The following HM13 variants were observed in gnomAD, a reference collection of about 807,000 sequenced individuals.
The protein encoded by HM13 is signal peptide peptidase.
HM13 carries 18 observed loss-of-function variants against 50.0 expected under a neutral mutation model. That is an observed-to-expected ratio of 0.36 (90% CI 0.25 to 0.53). The LOEUF (loss-of-function observed/expected upper bound fraction) is 0.53. HM13 is among the 20% of genes least tolerant of loss of function. The probability of loss-of-function intolerance (pLI) is 0.90; values close to 1 mark genes in which losing one functional copy is unlikely to be tolerated. For synonymous variants in HM13, 197 were observed against 232.6 expected (o/e 0.85, Z 1.39); for missense variants, 393 against 552.4 (o/e 0.71, Z 2.89).
intron 6 of HM13, 79 bp from the exon 7 acceptor site, chr20:31,549,985 T>C: frequency 2.8e-6 from 3 of 1,067,366 alleles, no homozygotes; most frequent in South Asian, 2.5e-5. Flanking sequence ...CAGCAGCACA[T>C]CTAGAAGCCC....
chr20:31,562,514 G>A (rs1352013470), intron 10 of HM13: 4 of 152,264 alleles, frequency 2.6e-5, no homozygotes, highest in Non-Finnish European at 5.9e-5. Flanking sequence ...TCAAGCCCTG[G>A]CCATGGGAAA....
intron 10 of HM13, among the ~76,000 whole-genome samples, chr20:31,564,380 C>A (rs983706547): frequency 3.9e-5 from 6 of 152,012 alleles, no homozygotes; most frequent in Non-Finnish European, 8.8e-5. Flanking sequence ...AGTTCAAGAC[C>A]AGCCTGGGGA....
At chr20:31,556,265 C>G (rs527500323) in intron 8 of HM13, among the ~76,000 whole-genome samples, 1 of 152,000 alleles carries the variant, frequency 6.6e-6, no homozygotes, top group Non-Finnish European at 1.5e-5. Context: ...CTCAAACTCC[C>G]GACCTCAGGT....
intron 9 of HM13, 104 bp downstream of exon 9, chr20:31,559,751 C>A (rs6058103): frequency 0.18 from 184,677 of 1,027,370 alleles, 27,276 homozygotes; most frequent in African/African-American, 0.69. Context: ...CCTCCACCCC[C>A]ACAGCAGCCA....
chr20:31,523,043 T>TGGGGG (rs112544862), intron 1 of HM13, among the ~76,000 whole-genome samples: 5 of 135,072 alleles, frequency 3.7e-5, no homozygotes, highest in South Asian at 2.1e-4. Context: ...GGGTTTTTTT[T>TGGGGG]GGGAGGGGGG....
intron 1 of HM13, among the ~76,000 whole-genome samples, chr20:31,519,405 C>T (rs568800157): frequency 6.6e-6 from 1 of 152,306 alleles, no homozygotes; most frequent in South Asian, 2.1e-4. Context: ...CTGGCCAGTA[C>T]ACTCTTCCTT....
intron 2 of HM13, among the ~76,000 whole-genome samples, chr20:31,537,360 G>T (rs941396266): frequency 3.9e-5 from 6 of 152,266 alleles, no homozygotes; most frequent in African/African-American, 1.4e-4. Context: ...GTTAGCTGCG[G>T]AGAGGCTTCC....
intron 7 of HM13, among the ~76,000 whole-genome samples, chr20:31,551,007 T>C (rs903167091): frequency 1.3e-5 from 2 of 152,186 alleles, no homozygotes; most frequent in Non-Finnish European, 2.9e-5. Context: ...AATATATATG[T>C]GTGTGTACAT....
At chr20:31,559,753 C>T in intron 9 of HM13, 106 bp downstream of exon 9, 2 of 1,002,650 alleles carry the variant, frequency 2.0e-6, no homozygotes, top group South Asian at 1.3e-5. Flanking sequence ...TCCACCCCCA[C>T]AGCAGCCAGA....
chr20:31,532,130 A>T (rs1038376154), intron 2 of HM13, among the ~76,000 whole-genome samples: 2 of 151,680 alleles, frequency 1.3e-5, no homozygotes, highest in African/African-American at 4.8e-5. Flanking sequence ...GACCTCAGGT[A>T]AAGAGCTGAA....
At chr20:31,532,160 C>G (rs1407858980) in intron 2 of HM13, among the ~76,000 whole-genome samples, 1 of 151,684 alleles carries the variant, frequency 6.6e-6, no homozygotes, top group Non-Finnish European at 1.5e-5. Context: ...GGCGCGGTGG[C>G]TCAAGCCTGT....
At chr20:31,522,007 G>C in intron 1 of HM13, among the ~76,000 whole-genome samples, 1 of 151,706 alleles carries the variant, frequency 6.6e-6, no homozygotes, top group Admixed American at 6.6e-5. Flanking sequence ...TTGCAGCATG[G>C]GATATTTATA....
chr20:31,548,974 G>A (rs777763646), intron 4 of HM13, 55 bp from the exon 5 acceptor site: 1 of 1,461,818 alleles, frequency 6.8e-7, no homozygotes, highest in Non-Finnish European at 9.6e-7. Flanking sequence ...GGGGCTGACA[G>A]GTGGGAGGGG....
chr20:31,516,240 G>A (rs1464063474), intron 1 of HM13, among the ~76,000 whole-genome samples: 1 of 152,180 alleles, frequency 6.6e-6, no homozygotes, highest in Non-Finnish European at 1.5e-5. Context: ...CTGGCATAAG[G>A]CTAGGCAGCT....
chr20:31,538,368 C>T (rs1395346994), intron 3 of HM13, 107 bp downstream of exon 3: 10 of 1,595,248 alleles, frequency 6.3e-6, no homozygotes, highest in Non-Finnish European at 8.6e-6. Flanking sequence ...AGGTTTGAAT[C>T]CTGGCTATAA....
At chr20:31,546,958 CT>C (rs987545678) in intron 4 of HM13, among the ~76,000 whole-genome samples, 16 of 152,168 alleles carry the variant, frequency 1.1e-4, no homozygotes, top group African/African-American at 3.4e-4. Context: ...AAAGGCTAGG[CT>C]TATACCACAG....
Position 31,569,528 on chromosome 20 carries a change from A to T in HM13, c.*309A>T. The T allele has an allele frequency of 4.4e-6, 1 of 229,112 alleles. No homozygotes were observed. Among genetic ancestry groups the T allele is most frequent in the Non-Finnish European group, 8.6e-6 (1 of 116,052 alleles). 14.2% of individuals were successfully genotyped at this position (229,112 alleles called of 1,614,324 possible). On this transcript the variant is annotated 3_prime_UTR_variant, in exon 13 of 13. Coordinates refer to ENST00000398174, the MANE Select transcript of HM13 (RefSeq NM_178581.3). ...GGACTGATTTTGCCTCACATTAAAA[A>T]CTCATCCCATGGCCAGGGCGGGCCA...
At position 31,519,406 on chromosome 20, in the gene HM13, ACT is replaced by A. The variant is rs760049017; in HGVS notation, c.183+4675_183+4676del. ...GTGAGCCACCACGCCTGGCCAGTAC[ACT>A]CTTCCTTGCACCTTGCTTTTTTCAC... On this transcript the variant is annotated intron_variant, in intron 1 of 12. Transcript: ENST00000398174. 7.8e-4 allele frequency among the ~76,000 whole-genome samples: 118 copies of A among 151,920 alleles called. 2 individuals carry two copies. Among genetic ancestry groups the A allele is most frequent in the Non-Finnish European group, 2.1e-4 (14 of 67,988 alleles).
intron 4 of HM13, among the ~76,000 whole-genome samples, chr20:31,546,240 C>T (rs549242650): frequency 4.6e-5 from 7 of 151,398 alleles, no homozygotes; most frequent in South Asian, 4.2e-4. Flanking sequence ...TTAGTAGAGA[C>T]GGGGTTTCAC....
Sources: gnomAD v4.1 joint callset for allele counts (sites outside exome capture counted in the v4.1 genomes callset) on GRCh38, gnomAD v4.1.1 for gene constraint, MANE v1.5 for transcripts, NCBI Gene and HGNC (gene_info 2026-07-23, HGNC 2026-07-21) for gene names.